JAK1: variants seen among roughly 807,000 people sequenced by gnomAD.
JAK1 encodes the protein Janus kinase 1.
In JAK1, 16 loss-of-function variants were observed where a neutral mutation model predicts 136.6. The ratio of observed to expected loss-of-function variants is 0.12; its 90% confidence interval spans 0.08 to 0.18. The LOEUF (loss-of-function observed/expected upper bound fraction) is 0.18, where lower values mean the gene tolerates loss of function less well. JAK1 is among the 10% of genes least tolerant of loss of function. The probability of loss-of-function intolerance (pLI) is 1.00; values close to 1 mark genes in which losing one functional copy is unlikely to be tolerated. For synonymous variants in JAK1, 492 were observed against 519.5 expected, an observed-to-expected ratio of 0.95 and a Z score of 0.72; for missense variants, 859 against 1,450.1, an observed-to-expected ratio of 0.59 and a Z score of 6.62.
Position 64,857,658 on chromosome 1 carries a change from C to G in JAK1, c.1456G>C (p.Glu486Gln). 1 of 1,614,104 alleles carries G rather than the reference C, an allele frequency of 6.2e-7. No individual in the cohort carries two copies. The highest frequency in any genetic ancestry group is 8.5e-7 in the Non-Finnish European group (1 of 1,180,016). The change falls in exon 10 of 25, where the codon GAG becomes CAG. Residue 486 changes from glutamate to glutamine, a missense_variant and splice_region_variant. Around this residue, in one of 4 missense-constraint regions of JAK1, gnomAD observed 409 missense variants for 753.8 expected, o/e 0.54. Transcript: ENST00000342505. ...LMTVTCFEKS[E>Q]QVQGAQKQFK... ...TCCAAGCCAGTGTCCTGACTGACCT[C>G]AGACTTCTCAAAGCAGGTGACGGTC... is the stretch of plus-strand genomic sequence containing the variant.
chr1:65,026,909 G>A (rs917554862), intron 2 of JAK1, among the ~76,000 whole-genome samples: 5 of 151,936 alleles, frequency 3.3e-5, no homozygotes, highest in South Asian at 2.1e-4. Context: ...CTGAGATTGC[G>A]CCACTGCACT....
chr1:64,893,003 G>T (rs1418481458), intron 1 of JAK1, among the ~76,000 whole-genome samples: 1 of 152,168 alleles, frequency 6.6e-6, no homozygotes, highest in Non-Finnish European at 1.5e-5. Context: ...GACAGACACT[G>T]AGAACCATGG....
intron 1 of JAK1, among the ~76,000 whole-genome samples, chr1:64,924,546 C>T (rs1645550006): frequency 6.6e-6 from 1 of 152,116 alleles, no homozygotes; most frequent in Non-Finnish European, 1.5e-5. Flanking sequence ...GCTATGAGGC[C>T]AAGTAGGGTC....
In JAK1 at chr1:65,023,034, T is replaced by C. The variant is rs138540878; in HGVS notation, c.-78+21446A>G. 15 of 152,312 alleles carry C rather than the reference T, an allele frequency of 9.8e-5. No individual in the cohort carries two copies. The East Asian group carries it at 2.5e-3, about 25-fold the overall frequency. 9.4% of individuals were successfully genotyped at this position (152,312 alleles called of 1,614,324 possible). On this transcript the variant is annotated intron_variant, in intron 2 of 25. Transcript: ENST00000671954. ...ACAGGGGCCATGCTAATCTTCTCTG[T>C]ATCATTCCAACTATTAATTATTTTT...
At chr1:64,921,433 C>G (rs1169503222) in intron 1 of JAK1, among the ~76,000 whole-genome samples, 1 of 152,106 alleles carries the variant, frequency 6.6e-6, no homozygotes, top group Non-Finnish European at 1.5e-5. Flanking sequence ...GACATTTAGA[C>G]AGCCCTTTGA....
intron 2 of JAK1, among the ~76,000 whole-genome samples, chr1:64,987,006 AATAACAAAAGGAAAGAAAGG>A (rs1646606365): frequency 6.6e-6 from 1 of 152,210 alleles, no homozygotes. Context: ...GATGCAGGGA[AATAACAAAAGGAAAGAAAGG>A]CTCCCTGTTG....
chr1:64,919,833 T>C (rs1385200935), intron 1 of JAK1, among the ~76,000 whole-genome samples: 3 of 152,070 alleles, frequency 2.0e-5, no homozygotes, highest in East Asian at 1.9e-4. Context: ...AAAACAATAA[T>C]GGTCCTAAGT....
intron 1 of JAK1, among the ~76,000 whole-genome samples, chr1:65,047,483 C>T (rs1569943060): frequency 6.6e-6 from 1 of 152,162 alleles, no homozygotes; most frequent in South Asian, 2.1e-4. Flanking sequence ...CTTTGGGAGG[C>T]CAAGACGGGC....
At chr1:65,067,276 G>C (rs1021218072) in intron 1 of JAK1, among the ~76,000 whole-genome samples, 8 of 150,022 alleles carry the variant, frequency 5.3e-5, no homozygotes, top group Non-Finnish European at 1.2e-4. Flanking sequence ...CCCCGGCGCC[G>C]CCTGGCCCGC....
chr1:65,019,010 CA>C (rs987876522), intron 2 of JAK1, among the ~76,000 whole-genome samples: 1 of 151,398 alleles, frequency 6.6e-6, no homozygotes, highest in Non-Finnish European at 1.5e-5. Context: ...GATTCCGTCT[CA>C]AAAAAATAAA....
At chr1:64,909,985 T>A (rs974821560) in intron 1 of JAK1, among the ~76,000 whole-genome samples, 1 of 152,192 alleles carries the variant, frequency 6.6e-6, no homozygotes, top group East Asian at 1.9e-4. Context: ...ACCTCCTCAG[T>A]GGGATGGTAG....
chr1:65,002,720 A>G (rs1441776678), intron 2 of JAK1, among the ~76,000 whole-genome samples: 2 of 152,218 alleles, frequency 1.3e-5, no homozygotes, highest in Non-Finnish European at 2.9e-5. Context: ...GGCACCGCGC[A>G]GTTGGAAGCC....
intron 1 of JAK1, among the ~76,000 whole-genome samples, chr1:65,062,461 G>C (rs974078318): frequency 3.3e-5 from 5 of 152,154 alleles, no homozygotes; most frequent in African/African-American, 9.7e-5. Context: ...CTGGGTCTCA[G>C]ATTTTCAAAT....
In JAK1 at chr1:64,910,843, C is replaced by CAAAA. The variant is rs369528546; in HGVS notation, c.-77-24506_-77-24503dup. ...TGGATGACAAAGCAAGACTCTGTCT[C>CAAAA]AAAAAAAAAAAAAAAAAAAATCAAC... On this transcript the variant is annotated intron_variant, in intron 1 of 24. Coordinates refer to ENST00000342505, the MANE Select transcript of JAK1 (RefSeq NM_002227.4). Among the ~76,000 whole-genome samples the CAAAA allele has an allele frequency of 1.6e-3, 145 of 89,270 alleles. 1 individual carries two copies. The highest frequency in any genetic ancestry group is 5.8e-3 in the Admixed American group (50 of 8,600). 58.6% of individuals were successfully genotyped at this position (89,270 alleles called of 152,430 possible). A position where few individuals can be genotyped will look rare whatever the true frequency, so the allele number is the denominator to read the frequency against.
chr1:64,933,950 G>C (rs1019533456), intron 1 of JAK1, among the ~76,000 whole-genome samples: 2 of 152,132 alleles, frequency 1.3e-5, no homozygotes, highest in Non-Finnish European at 2.9e-5. Context: ...ATAAATATGA[G>C]CATTCTCAAG....
intron 2 of JAK1, among the ~76,000 whole-genome samples, chr1:65,026,290 C>T (rs530257101): frequency 2.6e-5 from 4 of 152,210 alleles, no homozygotes; most frequent in Admixed American, 1.3e-4. Flanking sequence ...CTATCAACAC[C>T]GAGAATGGTT....
intron 10 of JAK1, among the ~76,000 whole-genome samples, chr1:64,855,952 T>C (rs898658576): frequency 6.6e-6 from 1 of 152,248 alleles, no homozygotes; most frequent in African/African-American, 2.4e-5. Flanking sequence ...ACACAGTAGC[T>C]ATTTCTACAA....
At chr1:64,870,937 C>T (rs766998516) in intron 5 of JAK1, among the ~76,000 whole-genome samples, 3 of 152,138 alleles carry the variant, frequency 2.0e-5, no homozygotes, top group Non-Finnish European at 4.4e-5. Context: ...TAAACATTCA[C>T]TGTACAGCTA....
chr1:64,970,907 G>A (rs1646446400), upstream of JAK1, among the ~76,000 whole-genome samples: 1 of 152,116 alleles, frequency 6.6e-6, no homozygotes, highest in African/African-American at 2.4e-5. Context: ...CAGTGTAGAA[G>A]CCTCTTATTA....
Sources: gnomAD v4.1 joint callset for allele counts (sites outside exome capture counted in the v4.1 genomes callset) on GRCh38, gnomAD v4.1.1 for gene constraint, gnomAD v4.1.1 regional missense constraint, MANE v1.5 for transcripts, NCBI Gene and HGNC (gene_info 2026-07-23, HGNC 2026-07-21) for gene names.